Variants in SLC28A1 observed in about 807,000 individuals in gnomAD.
SLC28A1 encodes sodium/nucleoside cotransporter 1.
In SLC28A1, 64 loss-of-function variants were observed where a neutral mutation model predicts 74.8. That is an observed-to-expected ratio of 0.86 (90% CI 0.70 to 1.05). The LOEUF is 1.05. Among genes scored for constraint, SLC28A1 ranks in the 50% least tolerant of loss-of-function variants. SLC28A1 has a pLI of 0.00. For synonymous variants in SLC28A1, 359 were observed against 335.0 expected (o/e 1.07, Z -0.78); for missense variants, 828 against 822.8 (o/e 1.01, Z -0.08).
chr15:84,899,740 C>T (rs1966396815), intron 6 of SLC28A1, among the ~76,000 whole-genome samples: 1 of 152,000 alleles, frequency 6.6e-6, no homozygotes, highest in African/African-American at 2.4e-5. Flanking sequence ...ATTTACGCTA[C>T]AAGAAATGCT....
the SLC28A1 span, among the ~76,000 whole-genome samples, chr15:84,959,944 A>G: frequency 1.2e-4 from 19 of 152,200 alleles, no homozygotes; most frequent in Admixed American, 1.2e-3. Flanking sequence ...AAGGCTTATC[A>G]ACTAGTGTAT....
chr15:84,946,112 A>ATATATATATTTTTTTT, downstream of SLC28A1, among the ~76,000 whole-genome samples: 3 of 13,476 alleles, frequency 2.2e-4, no homozygotes, highest in African/African-American at 9.9e-4. Flanking sequence ...ATATATATAT[A>ATATATATATTTTTTTT]TTTTTTTTTT....
chr15:84,973,376 AG>A, the SLC28A1 span, among the ~76,000 whole-genome samples: 1 of 152,250 alleles, frequency 6.6e-6, no homozygotes, highest in Non-Finnish European at 1.5e-5. Context: ...TTCTGACTTC[AG>A]GTATGTCTCT....
chr15:84,926,362 C>CTTTTTT (rs1204217197), intron 12 of SLC28A1, among the ~76,000 whole-genome samples: 1 of 111,084 alleles, frequency 9.0e-6, no homozygotes, highest in African/African-American at 3.9e-5. Context: ...CCACCCCTGG[C>CTTTTTT]TATTTTTTTT....
rs556685476 is a variant in SLC28A1 at position 84,926,960 on chromosome 15, A to G, written c.1083+2850A>G. Among the ~76,000 whole-genome samples, 26 of 152,228 alleles carry G rather than the reference A, an allele frequency of 1.7e-4. No individual in the cohort carries two copies. The South Asian group carries it at 5.4e-3, about 32-fold the overall frequency. On this transcript the variant is annotated intron_variant, in intron 12 of 18. Transcript: ENST00000394573. Reference sequence around the variant, plus strand: ...CCCCTCCATCTCTCCTTCACTCCGGATGCCTGGACCACACCAATAAGCTCA... The same window carrying G: ...CCCCTCCATCTCTCCTTCACTCCGGGTGCCTGGACCACACCAATAAGCTCA...
intron 6 of SLC28A1, chr15:84,896,145 A>G (rs186005309): frequency 1.5e-3 from 272 of 178,438 alleles, no homozygotes; most frequent in Non-Finnish European, 2.1e-3. Context: ...GACTTCATAA[A>G]AGCTAAAAAC....
chr15:84,971,701 G>A, the SLC28A1 span, among the ~76,000 whole-genome samples: 3 of 151,304 alleles, frequency 2.0e-5, no homozygotes, highest in Non-Finnish European at 4.4e-5. Flanking sequence ...CCAGGCTGGA[G>A]TACACTGGCA....
chr15:84,891,142 G>A lies in SLC28A1; in HGVS notation c.277+608G>A, dbSNP rs567109003. Among the ~76,000 whole-genome samples, 7 of 152,278 alleles carry A rather than the reference G, an allele frequency of 4.6e-5. No individual in the cohort carries two copies. In the South Asian group the frequency reaches 1.5e-3, roughly 32 times the overall value. On this transcript the variant is annotated intron_variant, in intron 5 of 18. Transcript: ENST00000394573. ...GAGAGCCACTGAAGGTTTTGAACAG[G>A]GAAGCGTCAAGGTGGAATTCACACG...
chr15:84,890,635 G>A (rs1309025970), intron 5 of SLC28A1, 101 bp downstream of exon 5: 1 of 986,992 alleles, frequency 1.0e-6, no homozygotes, highest in Non-Finnish European at 1.6e-6. Context: ...TTCAACAAAT[G>A]GTTGTTGAGC....
intron 9 of SLC28A1, among the ~76,000 whole-genome samples, chr15:84,912,819 CACACA>C (rs1968526758): frequency 7.6e-6 from 1 of 131,336 alleles, no homozygotes; most frequent in Non-Finnish European, 1.8e-5. Flanking sequence ...CACACACACA[CACACA>C]CACACACACA....
intron 10 of SLC28A1, 117 bp downstream of exon 10, chr15:84,918,721 A>T: frequency 1.2e-6 from 1 of 808,094 alleles, no homozygotes; most frequent in Non-Finnish European, 2.2e-6. Flanking sequence ...ACTGCTCCCC[A>T]AGCCCACACC....
At chr15:84,930,822 T>G (rs929628366) in intron 12 of SLC28A1, among the ~76,000 whole-genome samples, 1 of 151,422 alleles carries the variant, frequency 6.6e-6, no homozygotes, top group Non-Finnish European at 1.5e-5. Flanking sequence ...TGGGCTGGAG[T>G]GCAATAGTGC....
the SLC28A1 span, among the ~76,000 whole-genome samples, chr15:84,966,791 T>A: frequency 3.3e-5 from 5 of 152,144 alleles, no homozygotes; most frequent in Non-Finnish European, 5.9e-5. Flanking sequence ...ACCTGCCCCA[T>A]GATTCAATTA....
downstream of SLC28A1, among the ~76,000 whole-genome samples, chr15:84,946,108 A>ATTTTTTTTTT (rs1567196454): frequency 9.0e-5 from 1 of 11,124 alleles, no homozygotes; most frequent in African/African-American, 2.7e-4. Context: ...ATATATATAT[A>ATTTTTTTTTT]TATATTTTTT....
the SLC28A1 span, among the ~76,000 whole-genome samples, chr15:84,960,480 A>AC: frequency 2.8e-3 from 427 of 151,484 alleles, 3 homozygotes; most frequent in African/African-American, 9.5e-3. Context: ...CTGGCCTCGA[A>AC]CCCCTGTACT....
intron 9 of SLC28A1, among the ~76,000 whole-genome samples, 155 bp downstream of exon 9, chr15:84,908,950 G>T (rs1286194878): frequency 1.3e-5 from 2 of 152,176 alleles, no homozygotes; most frequent in Non-Finnish European, 2.9e-5. Context: ...TTAAGCCTGG[G>T]GCCCGGGAGG....
rs147805760 is a variant in SLC28A1, at chr15:84,887,759, A to G, written c.-2A>G. 6.2e-7 allele frequency: 1 copy of G among 1,613,794 alleles called. No homozygotes were observed. The highest frequency in any genetic ancestry group is 8.5e-7 in the Non-Finnish European group (1 of 1,179,746). ...TTGTCTTTCAGCTGGAAGGTCTGGG[A>G]CATGGAGAACGACCCCTCGAGACGA... On this transcript the variant is annotated 5_prime_UTR_variant, in exon 3 of 19. Coordinates refer to ENST00000394573, the MANE Select transcript of SLC28A1 (RefSeq NM_004213.5).
chr15:84,888,350 C>G (rs888012063), intron 3 of SLC28A1, among the ~76,000 whole-genome samples: 2 of 152,114 alleles, frequency 1.3e-5, no homozygotes, highest in African/African-American at 4.8e-5. Context: ...CCTTCACTGC[C>G]CTTGTCTCTT....
the SLC28A1 span, among the ~76,000 whole-genome samples, chr15:84,963,646 T>C: frequency 3.9e-5 from 6 of 152,232 alleles, no homozygotes; most frequent in East Asian, 1.2e-3. Flanking sequence ...AGCCTGTCTA[T>C]CAGCCATTGT....
Sources: allele counts gnomAD v4.1 joint callset (sites outside exome capture counted in the v4.1 genomes callset), GRCh38; gene constraint gnomAD v4.1.1; transcripts MANE v1.5; gene names NCBI Gene and HGNC (gene_info 2026-07-23, HGNC 2026-07-21).